CNTNAP2: variants seen among roughly 807,000 people sequenced by gnomAD.
The protein encoded by CNTNAP2 is contactin associated protein 2, also known as contactin-associated protein-like 2.
A neutral mutation model predicts 155.2 loss-of-function variants in CNTNAP2; 98 were observed. The observed-to-expected ratio is 0.63, with a 90% CI of 0.54 to 0.75. The LOEUF (loss-of-function observed/expected upper bound fraction) is 0.75, where lower values mean the gene tolerates loss of function less well. CNTNAP2 is among the 30% of genes least tolerant of loss of function. CNTNAP2 has a pLI of 0.00. For synonymous variants in CNTNAP2, 651 were observed against 631.2 expected (o/e 1.03, Z -0.47); for missense variants, 1,727 against 1,688.1 (o/e 1.02, Z -0.40).
intron 1 of CNTNAP2, among the ~76,000 whole-genome samples, chr7:146,462,412 A>G (rs915404324): frequency 3.3e-5 from 5 of 152,204 alleles, no homozygotes; most frequent in African/African-American, 1.2e-4. Context: ...TTCCCTACAC[A>G]GCCACATTCT....
chr7:146,432,507 A>G (rs374285597), intron 1 of CNTNAP2, among the ~76,000 whole-genome samples: 4 of 152,288 alleles, frequency 2.6e-5, no homozygotes, highest in African/African-American at 9.6e-5. Flanking sequence ...AACAAACAAT[A>G]TATAGAATGC....
intron 11 of CNTNAP2, among the ~76,000 whole-genome samples, chr7:147,493,720 T>C (rs1283240592): frequency 6.6e-6 from 1 of 152,212 alleles, no homozygotes; most frequent in Non-Finnish European, 1.5e-5. Flanking sequence ...AGAATCTAGC[T>C]TGGCATTTTT....
rs71188946 is a variant in CNTNAP2, at chr7:148,109,351, G to GTGTTTTGTTTTGTTT, written c.2384-8731_2384-8717dup. 6.0e-3 allele frequency among the ~76,000 whole-genome samples: 881 copies of GTGTTTTGTTTTGTTT among 147,086 alleles called. 8 individuals carry two copies. The highest frequency in any genetic ancestry group is 0.017 in the Middle Eastern group (5 of 290). ...GCAGATGAACTGGGAAAGAAGAGAG[G>GTGTTTTGTTTTGTTT]TGTTTTGTTTTGTTTTGTTTTGTTT... is the stretch of plus-strand genomic sequence containing the variant. On this transcript the variant is annotated intron_variant, in intron 15 of 23. Coordinates refer to ENST00000361727, the MANE Select transcript of CNTNAP2 (RefSeq NM_014141.6).
intron 2 of CNTNAP2, among the ~76,000 whole-genome samples, chr7:146,801,141 G>T (rs1282005003): frequency 6.6e-6 from 1 of 152,180 alleles, no homozygotes; most frequent in Non-Finnish European, 1.5e-5. Flanking sequence ...CATGGAGGAT[G>T]AAGGGGTGCA....
At chr7:147,223,963 A>G (rs1371571642) in intron 8 of CNTNAP2, among the ~76,000 whole-genome samples, 1 of 151,726 alleles carries the variant, frequency 6.6e-6, no homozygotes, top group African/African-American at 2.4e-5. Flanking sequence ...AAAAGAAAGA[A>G]AGAAAAAAGA....
intron 10 of CNTNAP2, among the ~76,000 whole-genome samples, chr7:147,420,528 A>G (rs1250475855): frequency 6.6e-6 from 1 of 152,304 alleles, no homozygotes; most frequent in African/African-American, 2.4e-5. Flanking sequence ...AAAAAGTGCC[A>G]TGGTATTTGA....
At chr7:146,391,640 A>G (rs541741793) in intron 1 of CNTNAP2, among the ~76,000 whole-genome samples, 1 of 152,180 alleles carries the variant, frequency 6.6e-6, no homozygotes, top group African/African-American at 2.4e-5. Context: ...ATGACTATCA[A>G]TTCACTTCAA....
At chr7:147,253,911 T>G (rs930928826) in intron 8 of CNTNAP2, among the ~76,000 whole-genome samples, 2 of 152,204 alleles carry the variant, frequency 1.3e-5, no homozygotes, top group Non-Finnish European at 2.9e-5. Flanking sequence ...ATCAGTCTTA[T>G]TCCTATTTTA....
At chr7:146,319,198 G>A (rs531624680) in intron 1 of CNTNAP2, among the ~76,000 whole-genome samples, 10 of 152,170 alleles carry the variant, frequency 6.6e-5, no homozygotes, top group African/African-American at 2.4e-4. Flanking sequence ...GGATTTTAAT[G>A]TCTTTCTAAG....
intron 2 of CNTNAP2, among the ~76,000 whole-genome samples, chr7:146,833,079 A>G (rs1585113315): frequency 6.6e-6 from 1 of 152,142 alleles, no homozygotes; most frequent in Admixed American, 6.6e-5. Context: ...CAACTTTTGC[A>G]TTTCTAAAAC....
In CNTNAP2 at chr7:147,237,049, C is replaced by CTT. The variant is rs548220734; in HGVS notation, c.1349-63057_1349-63056dup. On this transcript the variant is annotated intron_variant, in intron 8 of 23. Coordinates refer to ENST00000361727, the MANE Select transcript of CNTNAP2 (RefSeq NM_014141.6). ...CCACTTCCTTTAGCCTTCACCTCCT[C>CTT]TTTTTTTTTTTTTTTTTTTTTTTTT... 3.7e-3 allele frequency among the ~76,000 whole-genome samples: 212 copies of CTT among 57,470 alleles called. 39 individuals are homozygous for CTT. The highest frequency in any genetic ancestry group is 5.2e-3 in the Non-Finnish European group (154 of 29,590). 37.7% of individuals were successfully genotyped at this position (57,470 alleles called of 152,430 possible).
intron 13 of CNTNAP2, among the ~76,000 whole-genome samples, chr7:147,851,485 C>T (rs1052720118): frequency 2.6e-5 from 4 of 152,048 alleles, no homozygotes; most frequent in African/African-American, 9.7e-5. Context: ...ATGTTTATTG[C>T]AGCACTATTC....
intron 9 of CNTNAP2, among the ~76,000 whole-genome samples, chr7:147,371,891 G>A (rs1261561722): frequency 6.6e-6 from 1 of 152,018 alleles, no homozygotes; most frequent in Admixed American, 6.6e-5. Flanking sequence ...TACATATGGA[G>A]GAAATGGACA....
At chr7:146,726,425 C>A (rs1801432874) in intron 1 of CNTNAP2, among the ~76,000 whole-genome samples, 1 of 151,924 alleles carries the variant, frequency 6.6e-6, no homozygotes, top group African/African-American at 2.4e-5. Flanking sequence ...TATTTTGGGG[C>A]CTTCATCTCT....
At chr7:146,985,954 GA>G (rs201306372) in intron 3 of CNTNAP2, among the ~76,000 whole-genome samples, 3,050 of 151,772 alleles carry the variant, frequency 0.02, 48 homozygotes, top group Non-Finnish European at 0.033. Context: ...ATTTTTTTAA[GA>G]AAAAATGATT....
intron 1 of CNTNAP2, among the ~76,000 whole-genome samples, chr7:146,188,015 C>T (rs1039692305): frequency 6.6e-6 from 1 of 152,080 alleles, no homozygotes; most frequent in Non-Finnish European, 1.5e-5. Context: ...CTATGCCTTT[C>T]TCTATAATCG....
intron 15 of CNTNAP2, among the ~76,000 whole-genome samples, chr7:148,055,195 AT>A (rs1802984535): frequency 3.3e-5 from 5 of 152,136 alleles, no homozygotes; most frequent in African/African-American, 1.2e-4. Context: ...ATAAATAGGC[AT>A]CTTTGATGGC....
At chr7:148,232,476 TAG>T (rs1309971726) in intron 20 of CNTNAP2, among the ~76,000 whole-genome samples, 1 of 152,244 alleles carries the variant, frequency 6.6e-6, no homozygotes, top group Non-Finnish European at 1.5e-5. Context: ...TGATTTCCTC[TAG>T]AGTTTTCTAT....
chr7:147,647,079 C>A (rs543389292), intron 13 of CNTNAP2, among the ~76,000 whole-genome samples: 2 of 150,992 alleles, frequency 1.3e-5, no homozygotes, highest in South Asian at 4.2e-4. Flanking sequence ...CTCCTGGGTT[C>A]AAGTGATTCG....
Sources: allele counts gnomAD v4.1 joint callset (sites outside exome capture counted in the v4.1 genomes callset), GRCh38; gene constraint gnomAD v4.1.1; transcripts MANE v1.5; gene names NCBI Gene and HGNC (gene_info 2026-07-23, HGNC 2026-07-21).